Variants in DYNC1I1 observed in about 807,000 individuals in gnomAD.
The protein encoded by DYNC1I1 is dynein cytoplasmic 1 intermediate chain 1.
DYNC1I1 carries 43 observed loss-of-function variants against 86.6 expected under a neutral mutation model. That is an observed-to-expected ratio of 0.50 (90% confidence interval 0.39 to 0.64). The LOEUF (loss-of-function observed/expected upper bound fraction) is 0.64. Among genes scored for constraint, DYNC1I1 ranks in the 30% least tolerant of loss-of-function variants. DYNC1I1 has a pLI of 0.00. For synonymous variants in DYNC1I1, 262 were observed against 283.7 expected, an observed-to-expected ratio of 0.92 and a Z score of 0.77; for missense variants, 604 against 788.8, an observed-to-expected ratio of 0.77 and a Z score of 2.81.
chr7:95,882,921 C>T (rs1037332881), intron 6 of DYNC1I1, among the ~76,000 whole-genome samples: 5 of 152,062 alleles, frequency 3.3e-5, no homozygotes, highest in South Asian at 2.1e-4. Flanking sequence ...CCTATTTGTA[C>T]GTTGGGATCA....
chr7:95,778,223 A>G (rs1793895238), intron 1 of DYNC1I1, among the ~76,000 whole-genome samples: 1 of 152,226 alleles, frequency 6.6e-6, no homozygotes, highest in South Asian at 2.1e-4. Flanking sequence ...GGAGATGGAA[A>G]AAGGGGCCCC....
At chr7:95,827,415 T>C (rs978539760) in intron 4 of DYNC1I1, among the ~76,000 whole-genome samples, 6 of 152,240 alleles carry the variant, frequency 3.9e-5, no homozygotes, top group Non-Finnish European at 7.3e-5. Flanking sequence ...TAACTATTGA[T>C]ACTTTGTGCC....
At chr7:95,940,136 T>G (rs1481029993) in intron 6 of DYNC1I1, among the ~76,000 whole-genome samples, 1 of 152,240 alleles carries the variant, frequency 6.6e-6, no homozygotes, top group East Asian at 1.9e-4. Flanking sequence ...CCCACTCTCT[T>G]CTGGCTTGCA....
intron 6 of DYNC1I1, among the ~76,000 whole-genome samples, chr7:95,965,556 A>C (rs1399374364): frequency 6.6e-6 from 1 of 152,186 alleles, no homozygotes; most frequent in Non-Finnish European, 1.5e-5. Flanking sequence ...TTTACAGCAG[A>C]GGAAACTGAG....
chr7:95,794,320 C>G (rs961284145), intron 1 of DYNC1I1, among the ~76,000 whole-genome samples: 8 of 152,124 alleles, frequency 5.3e-5, no homozygotes, highest in Non-Finnish European at 2.9e-5. Flanking sequence ...TTCAAGGATT[C>G]TACTTGAGAT....
chr7:95,838,191 T>G (rs2115996503), intron 5 of DYNC1I1, among the ~76,000 whole-genome samples: 1 of 152,336 alleles, frequency 6.6e-6, no homozygotes, highest in Middle Eastern at 3.4e-3. Context: ...CTTTTATCCA[T>G]TTTGAGTTTT....
At chr7:96,043,890 A>G (rs1378662099) in intron 14 of DYNC1I1, among the ~76,000 whole-genome samples, 1 of 151,884 alleles carries the variant, frequency 6.6e-6, no homozygotes, top group African/African-American at 2.4e-5. Context: ...TTGTATTTTT[A>G]GTAGAGATGG....
intron 14 of DYNC1I1, among the ~76,000 whole-genome samples, chr7:96,060,810 A>T: frequency 6.9e-6 from 1 of 145,636 alleles, no homozygotes; most frequent in Admixed American, 6.8e-5. Context: ...AATAAAGTCT[A>T]AAAAAAAAAA....
intron 5 of DYNC1I1, among the ~76,000 whole-genome samples, chr7:95,863,030 A>C (rs1379493682): frequency 6.6e-6 from 1 of 152,174 alleles, no homozygotes; most frequent in Non-Finnish European, 1.5e-5. Context: ...TTGAATATGC[A>C]CATGTGGAAC....
chr7:96,017,583 G>C (rs532736852), intron 10 of DYNC1I1, among the ~76,000 whole-genome samples: 1 of 152,192 alleles, frequency 6.6e-6, no homozygotes, highest in South Asian at 2.1e-4. Flanking sequence ...CTCTCTCAAT[G>C]AGACAACTGT....
At chr7:95,998,343 G>A (rs1016507819) in intron 10 of DYNC1I1, among the ~76,000 whole-genome samples, 12 of 152,208 alleles carry the variant, frequency 7.9e-5, no homozygotes, top group Non-Finnish European at 1.8e-4. Flanking sequence ...CCCATTCAAG[G>A]TATATTTTTG....
chr7:95,996,106 C>T, intron 10 of DYNC1I1, 33 bp downstream of exon 10: 1 of 1,613,676 alleles, frequency 6.2e-7, no homozygotes, highest in Non-Finnish European at 8.5e-7. Flanking sequence ...TAACTTACAT[C>T]TCCTGCTAGA....
chr7:95,965,265 C>T (rs763454678), intron 6 of DYNC1I1, among the ~76,000 whole-genome samples: 2 of 152,180 alleles, frequency 1.3e-5, no homozygotes, highest in Non-Finnish European at 2.9e-5. Flanking sequence ...CTTTTCCTTT[C>T]CACTGGACGT....
chr7:95,795,145 C>T (rs2706888), intron 1 of DYNC1I1, among the ~76,000 whole-genome samples: 105,948 of 152,136 alleles, frequency 0.7, 37,470 homozygotes, highest in African/African-American at 0.81. Context: ...GATAGCAAGA[C>T]TGGACCGGAA....
intron 6 of DYNC1I1, among the ~76,000 whole-genome samples, chr7:95,888,697 CT>C (rs2116257594): frequency 6.6e-6 from 1 of 152,280 alleles, no homozygotes; most frequent in South Asian, 2.1e-4. Context: ...GGCAGGCCAC[CT>C]CTGAGTTTCT....
At chr7:95,945,994 C>T (rs889855309) in intron 6 of DYNC1I1, among the ~76,000 whole-genome samples, 1 of 151,980 alleles carries the variant, frequency 6.6e-6, no homozygotes, top group Non-Finnish European at 1.5e-5. Context: ...AAGATCATGT[C>T]CTTTGCAGGG....
chr7:95,845,847 C>A (rs989346473), intron 5 of DYNC1I1, among the ~76,000 whole-genome samples: 3 of 152,138 alleles, frequency 2.0e-5, no homozygotes, highest in African/African-American at 7.2e-5. Flanking sequence ...ATTTATTTGT[C>A]CCCAAACATT....
intron 5 of DYNC1I1, among the ~76,000 whole-genome samples, chr7:95,830,116 TAG>T (rs992376539): frequency 4.5e-4 from 68 of 152,268 alleles, no homozygotes; most frequent in African/African-American, 1.5e-3. Flanking sequence ...TAGATTTTTC[TAG>T]AGAGTTTTAT....
intron 14 of DYNC1I1, among the ~76,000 whole-genome samples, chr7:96,046,237 C>G (rs980043898): frequency 1.3e-5 from 2 of 152,068 alleles, no homozygotes; most frequent in African/African-American, 4.8e-5. Context: ...TAGGTCTATA[C>G]TTGATTGTGT....
Sources: gnomAD v4.1 joint callset for allele counts (sites outside exome capture counted in the v4.1 genomes callset) on GRCh38, gnomAD v4.1.1 for gene constraint, MANE v1.5 for transcripts, NCBI Gene and HGNC (gene_info 2026-07-23, HGNC 2026-07-21) for gene names.